The following NTRK2 variants were observed in gnomAD, a reference collection of about 807,000 sequenced individuals.
NTRK2 encodes BDNF/NT-3 growth factors receptor.
A neutral mutation model predicts 94.5 loss-of-function variants in NTRK2; 13 were observed. That is an observed-to-expected ratio of 0.14 (90% CI 0.09 to 0.22). The LOEUF is 0.22. Ranked by LOEUF, NTRK2 falls within the 10% of genes least tolerant of loss-of-function variation. The pLI is 1.00. For missense variants in NTRK2, 639 were observed against 1,071.2 expected (o/e 0.60, Z 5.63); for synonymous variants, 372 against 407.4 (o/e 0.91, Z 1.05).
intron 12 of NTRK2, among the ~76,000 whole-genome samples, chr9:84,777,587 G>A (rs965073497): frequency 6.6e-6 from 1 of 152,186 alleles, no homozygotes; most frequent in African/African-American, 2.4e-5. Context: ...TATGACAATA[G>A]TATGCTGAGA....
chr9:84,815,518 GTTTTTT>G, intron 12 of NTRK2: 6 of 941,168 alleles, frequency 6.4e-6, no homozygotes, highest in Non-Finnish European at 7.6e-6. Flanking sequence ...CTCATGCCCT[GTTTTTT>G]TTTTTTTTTT....
rs1003656999 is a variant in NTRK2, at chr9:84,875,682, G to A, written c.1633+8251G>A. The A allele has an allele frequency of 5.7e-6, 6 of 1,054,512 alleles. No individual in the cohort carries two copies. The African/African-American group carries it at 8.3e-5, about 15-fold the overall frequency. The allele number at this position is 1,054,512 out of a possible 1,614,324, so 65.3% of individuals were successfully genotyped here. A position where few individuals can be genotyped will look rare whatever the true frequency, so the allele number is the denominator to read the frequency against. On this transcript the variant is annotated intron_variant, in intron 14 of 18. Transcript: ENST00000277120. ...GCTGTGCAAGGACCTCTGATAGCTG[G>A]AGTCTCCTTTTGGTCACTCCCAGCT...
intron 14 of NTRK2, among the ~76,000 whole-genome samples, chr9:84,893,321 T>A (rs1433078858): frequency 1.3e-5 from 2 of 152,128 alleles, no homozygotes; most frequent in African/African-American, 4.8e-5. Flanking sequence ...CTTTAATACA[T>A]CTTAAAAATC....
intron 14 of NTRK2, among the ~76,000 whole-genome samples, chr9:84,913,845 C>T (rs76997115): frequency 0.062 from 9,414 of 151,244 alleles, 338 homozygotes; most frequent in Admixed American, 0.097. Context: ...GAAGTTTCAG[C>T]TGCTATTTTT....
At chr9:84,713,377 T>A (rs1301184115) in intron 6 of NTRK2, among the ~76,000 whole-genome samples, 1 of 152,186 alleles carries the variant, frequency 6.6e-6, no homozygotes, top group African/African-American at 2.4e-5. Flanking sequence ...TGCATAGAGA[T>A]AACCACCAAT....
chr9:85,014,893 T>TATCAAG (rs1336771618), intron 17 of NTRK2, among the ~76,000 whole-genome samples: 1 of 152,218 alleles, frequency 6.6e-6, no homozygotes, highest in African/African-American at 2.4e-5. Context: ...TATTAAGGGC[T>TATCAAG]AAAAGAACAG....
At chr9:84,783,113 C>A (rs1304712031) in intron 12 of NTRK2, among the ~76,000 whole-genome samples, 1 of 151,510 alleles carries the variant, frequency 6.6e-6, no homozygotes, top group Non-Finnish European at 1.5e-5. Context: ...GCATGAGAGA[C>A]CCCTAAAATA....
intron 4 of NTRK2, among the ~76,000 whole-genome samples, chr9:84,706,089 C>T (rs941503841): frequency 6.6e-6 from 1 of 152,086 alleles, no homozygotes; most frequent in Non-Finnish European, 1.5e-5. Context: ...TGCACCCGGC[C>T]AAAACCCATT....
At chr9:84,681,566 G>C (rs1055082991) in intron 2 of NTRK2, among the ~76,000 whole-genome samples, 2 of 152,070 alleles carry the variant, frequency 1.3e-5, no homozygotes, top group South Asian at 4.2e-4. Flanking sequence ...GTGTGGGAGT[G>C]GGGGATGGGG....
At chr9:84,870,833 C>T (rs2075837168) in intron 14 of NTRK2, among the ~76,000 whole-genome samples, 1 of 152,052 alleles carries the variant, frequency 6.6e-6, no homozygotes, top group African/African-American at 2.4e-5. Flanking sequence ...TGAGCCAAAA[C>T]CTGGCCTATT....
chr9:84,899,706 T>A (rs967769407), intron 14 of NTRK2, among the ~76,000 whole-genome samples: 2 of 152,060 alleles, frequency 1.3e-5, no homozygotes, highest in African/African-American at 2.4e-5. Flanking sequence ...ATTGGGGTGA[T>A]AGAGGGAAGA....
intron 12 of NTRK2, among the ~76,000 whole-genome samples, chr9:84,797,534 GTATATATAATA>G (rs1353029849): frequency 1.4e-5 from 1 of 72,406 alleles, no homozygotes; most frequent in Non-Finnish European, 2.2e-5. Flanking sequence ...CTATAATAAT[GTATATATAATA>G]TATATATTAT....
intron 12 of NTRK2, among the ~76,000 whole-genome samples, chr9:84,849,868 A>C (rs1045832788): frequency 3.9e-5 from 6 of 152,208 alleles, no homozygotes; most frequent in Non-Finnish European, 7.3e-5. Context: ...TTAGAAATTG[A>C]GACATCTATT....
At chr9:84,698,332 C>T (rs2060514368) in intron 2 of NTRK2, among the ~76,000 whole-genome samples, 1 of 152,064 alleles carries the variant, frequency 6.6e-6, no homozygotes, top group African/African-American at 2.4e-5. Flanking sequence ...TCTTCTTTCT[C>T]ACTTCGCATA....
intron 16 of NTRK2, among the ~76,000 whole-genome samples, chr9:84,950,264 G>C (rs775205360): frequency 6.6e-6 from 1 of 152,226 alleles, no homozygotes; most frequent in Non-Finnish European, 1.5e-5. Flanking sequence ...TTGATAAGAT[G>C]CAGGAAGTTG....
At position 84,742,789 on chromosome 9, in the gene NTRK2, G is replaced by GTTTTTTTTTT. The variant is rs757253032; in HGVS notation, c.1195+880_1195+889dup. On this transcript the variant is annotated intron_variant, in intron 10 of 18. Transcript: ENST00000277120. ...AAAGAAACCAAAGTCCATTATATTA[G>GTTTTTTTTTT]TTTTTTTTTTTTTTTTTTTTTTTTT... Among the ~76,000 whole-genome samples the GTTTTTTTTTT allele has an allele frequency of 2.8e-3, 289 of 103,666 alleles. 32 individuals are homozygous for GTTTTTTTTTT. Among genetic ancestry groups the GTTTTTTTTTT allele is most frequent in the African/African-American group, 0.011 (273 of 24,854 alleles). The allele number at this position is 103,666 out of a possible 152,430, so 68.0% of individuals were successfully genotyped here. A position where few individuals can be genotyped will look rare whatever the true frequency, so the allele number is the denominator to read the frequency against.
In NTRK2 at chr9:85,025,912, G is replaced by C. The variant is rs1168820650; in HGVS notation, c.*4475G>C. On this transcript the variant is annotated 3_prime_UTR_variant, in exon 19 of 19. Coordinates refer to ENST00000277120, the MANE Select transcript of NTRK2 (RefSeq NM_006180.6). ...TTCAAATGTCATTCTAAAGAATGAG[G>C]GGTGGGAGGGATTTATAGTTAGAAA... 4.3e-6 allele frequency: 1 copy of C among 232,712 alleles called. No homozygotes were observed. Among genetic ancestry groups the C allele is most frequent in the Non-Finnish European group, 8.5e-6 (1 of 117,838 alleles). 14.4% of individuals were successfully genotyped at this position (232,712 alleles called of 1,614,324 possible).
chr9:84,695,499 G>C (rs1314561940), intron 2 of NTRK2, among the ~76,000 whole-genome samples: 1 of 152,128 alleles, frequency 6.6e-6, no homozygotes, highest in Admixed American at 6.5e-5. Flanking sequence ...TTTCCAAAAA[G>C]CCAGCTATAA....
intron 17 of NTRK2, among the ~76,000 whole-genome samples, chr9:84,982,804 T>C (rs1448535632): frequency 6.6e-6 from 1 of 152,202 alleles, no homozygotes; most frequent in Non-Finnish European, 1.5e-5. Context: ...GATTTAAAAA[T>C]AATTTCAAAG....
Sources: gnomAD v4.1 joint callset for allele counts (sites outside exome capture counted in the v4.1 genomes callset) on GRCh38, gnomAD v4.1.1 for gene constraint, MANE v1.5 for transcripts, NCBI Gene and HGNC (gene_info 2026-07-23, HGNC 2026-07-21) for gene names.